Variants in ITPR1 observed in about 807,000 individuals in gnomAD.
ITPR1 encodes inositol 1,4,5-trisphosphate receptor type 1, also known as inositol 1,4,5-trisphosphate-gated calcium channel ITPR1.
In ITPR1, 96 loss-of-function variants were observed where a neutral mutation model predicts 318.4. That is an observed-to-expected ratio of 0.30 (90% CI 0.26 to 0.36). ITPR1 has a LOEUF of 0.36. Among genes scored for constraint, ITPR1 ranks in the 10% least tolerant of loss-of-function variants. The pLI is 1.00. For synonymous variants in ITPR1, 1,312 were observed against 1,289.9 expected (o/e 1.02, Z -0.37); for missense variants, 2,440 against 3,460.2 (o/e 0.71, Z 7.40).
At chr3:4,560,318 T>C (rs146614153) in intron 4 of ITPR1, among the ~76,000 whole-genome samples, 57 of 152,296 alleles carry the variant, frequency 3.7e-4, no homozygotes, top group Admixed American at 9.2e-4. Context: ...GTAATAAGGT[T>C]CTCTCTCAGG....
intron 2 of ITPR1, among the ~76,000 whole-genome samples, chr3:4,513,077 C>G (rs1189805580): frequency 2.0e-5 from 3 of 152,132 alleles, no homozygotes; most frequent in African/African-American, 7.2e-5. Context: ...CTGAGTGCAG[C>G]TGCTAGAAGT....
chr3:4,813,688 TAAAAAG>T (rs1216440501), intron 57 of ITPR1, among the ~76,000 whole-genome samples: 1 of 151,740 alleles, frequency 6.6e-6, no homozygotes, highest in Non-Finnish European at 1.5e-5. Flanking sequence ...GCTTTAAAGG[TAAAAAG>T]AAAAAAACAG....
chr3:4,611,582 A>C (rs2092124206), intron 4 of ITPR1, among the ~76,000 whole-genome samples: 1 of 151,144 alleles, frequency 6.6e-6, no homozygotes, highest in Admixed American at 6.6e-5. Flanking sequence ...ATAAATAAAT[A>C]AATAAATAAA....
At chr3:4,608,807 G>C (rs1011509366) in intron 4 of ITPR1, among the ~76,000 whole-genome samples, 1 of 151,650 alleles carries the variant, frequency 6.6e-6, no homozygotes, top group African/African-American at 2.4e-5. Flanking sequence ...TTTCCGACCA[G>C]CCTGGCCAAT....
chr3:4,778,865 A>G (rs1449734598), intron 48 of ITPR1, among the ~76,000 whole-genome samples: 5 of 152,238 alleles, frequency 3.3e-5, no homozygotes, highest in African/African-American at 1.2e-4. Flanking sequence ...ACAGCTTTCA[A>G]GTCCTGTACA....
intron 44 of ITPR1, 199 bp downstream of exon 44, chr3:4,735,553 A>G: frequency 1.8e-6 from 1 of 564,000 alleles, no homozygotes; most frequent in Admixed American, 3.1e-5. Flanking sequence ...TTGGTTCCAG[A>G]ACATGAGTTA....
At chr3:4,836,109 G>T (rs1381520884) in intron 60 of ITPR1, among the ~76,000 whole-genome samples, 1 of 152,092 alleles carries the variant, frequency 6.6e-6, no homozygotes, top group Admixed American at 6.5e-5. Flanking sequence ...AGAACACCTG[G>T]GACCTTAAAA....
intron 2 of ITPR1, among the ~76,000 whole-genome samples, chr3:4,496,709 A>G (rs2080603977): frequency 6.6e-6 from 1 of 152,226 alleles, no homozygotes. Context: ...AGAGAAAGAT[A>G]AAAAAGAAAC....
intron 3 of ITPR1, among the ~76,000 whole-genome samples, chr3:4,517,788 T>A (rs1176319225): frequency 4.2e-4 from 64 of 152,208 alleles, no homozygotes; most frequent in Non-Finnish European, 2.9e-5. Flanking sequence ...CTCTCCCTCC[T>A]TTCTTCATGG....
intron 4 of ITPR1, among the ~76,000 whole-genome samples, chr3:4,563,100 G>A (rs2086849396): frequency 6.6e-6 from 1 of 152,128 alleles, no homozygotes; most frequent in Non-Finnish European, 1.5e-5. Context: ...AACACCAAGG[G>A]TAAAAGCTAT....
At chr3:4,564,941 A>G (rs2087067421) in intron 4 of ITPR1, among the ~76,000 whole-genome samples, 1 of 152,194 alleles carries the variant, frequency 6.6e-6, no homozygotes, top group Admixed American at 6.5e-5. Flanking sequence ...CAGTTCATAA[A>G]AGAGGTGCAT....
chr3:4,545,691 C>CT (rs71623167), intron 4 of ITPR1, among the ~76,000 whole-genome samples: 4,543 of 103,328 alleles, frequency 0.044, 88 homozygotes, highest in African/African-American at 0.06. Context: ...AGTATGCAAA[C>CT]TTTTTTTTTT....
rs2050135210 is a variant in ITPR1 at position 4,827,186 on chromosome 3, G to A, written c.8028+8944G>A. 2.6e-5 allele frequency among the ~76,000 whole-genome samples: 4 copies of A among 152,140 alleles called. No homozygotes were observed. The South Asian group carries it at 8.3e-4, about 32-fold the overall frequency. On this transcript the variant is annotated intron_variant, in intron 60 of 61. Transcript: ENST00000649015. ...CGCCCATACCCTGACCCACCCTCCT[G>A]CTCCTGCCCCGACAGCACCACCACC...
In ITPR1 at chr3:4,746,245, A is replaced by G. The variant is rs112097492; in HGVS notation, c.5544+10891A>G. Among the ~76,000 whole-genome samples, 1,111 of 152,178 alleles carry G rather than the reference A, an allele frequency of 7.3e-3. 17 individuals carry two copies. The highest frequency in any genetic ancestry group is 0.026 in the African/African-American group (1,066 of 41,520). ...ACGCGGTTGTCAGTGATGCCCCCCA[A>G]ATGGAACCCTCACTACCTGCTTCCC... On this transcript the variant is annotated intron_variant, in intron 44 of 61. Coordinates refer to ENST00000649015, the MANE Select transcript of ITPR1 (RefSeq NM_001378452.1).
At position 4,694,491 on chromosome 3, in the gene ITPR1, GGT is replaced by G. The variant is rs2094527470; in HGVS notation, c.4281+752_4281+753del. 2.0e-5 allele frequency among the ~76,000 whole-genome samples: 3 copies of G among 152,030 alleles called. No individual in the cohort carries two copies. The South Asian group carries it at 6.2e-4, about 32-fold the overall frequency. On this transcript the variant is annotated intron_variant, in intron 33 of 61. Transcript: ENST00000649015. Reference sequence around the variant, plus strand: ...TAAAAACAGTCATGTGTCGCTTAGTGGTGGGGATATCTTTTGAGAAATGCGTT... The same window carrying G: ...TAAAAACAGTCATGTGTCGCTTAGTGGGGGATATCTTTTGAGAAATGCGTT...
At chr3:4,665,345 G>T in intron 17 of ITPR1, 49 bp downstream of exon 17, 1 of 1,551,928 alleles carries the variant, frequency 6.4e-7, no homozygotes, top group Non-Finnish European at 8.8e-7. Context: ...CCTCCCTGAA[G>T]TTTGTGAACT....
intron 4 of ITPR1, among the ~76,000 whole-genome samples, chr3:4,567,559 G>A (rs1298938285): frequency 6.6e-6 from 1 of 152,006 alleles, no homozygotes; most frequent in Admixed American, 6.6e-5. Flanking sequence ...TGGGGGCTGA[G>A]GTGGGTCATG....
At chr3:4,821,808 G>A (rs1381358068) in intron 60 of ITPR1, among the ~76,000 whole-genome samples, 1 of 152,190 alleles carries the variant, frequency 6.6e-6, no homozygotes, top group African/African-American at 2.4e-5. Context: ...ATCTCTGGAG[G>A]GAGGGAAAGA....
At chr3:4,623,235 G>C (rs1407508046) in intron 4 of ITPR1, among the ~76,000 whole-genome samples, 2 of 152,162 alleles carry the variant, frequency 1.3e-5, no homozygotes, top group African/African-American at 4.8e-5. Flanking sequence ...GCATGCCCTT[G>C]ATACAATGGA....
Sources: allele counts gnomAD v4.1 joint callset (sites outside exome capture counted in the v4.1 genomes callset), GRCh38; gene constraint gnomAD v4.1.1; transcripts MANE v1.5; gene names NCBI Gene and HGNC (gene_info 2026-07-23, HGNC 2026-07-21).